The following FBXO4 variants were observed in gnomAD, a reference collection of about 807,000 sequenced individuals.
FBXO4 encodes F-box only protein 4.
Under a neutral mutation model 43.7 loss-of-function variants are expected in FBXO4, and 36 were observed. The observed-to-expected ratio is 0.82, with a 90% CI of 0.63 to 1.09. The LOEUF is 1.09. FBXO4 is among the 50% of genes least tolerant of loss of function. The pLI is 0.00. For synonymous variants in FBXO4, 180 were observed against 165.6 expected, an observed-to-expected ratio of 1.09 and a Z score of -0.67; for missense variants, 435 against 474.1, an observed-to-expected ratio of 0.92 and a Z score of 0.77.
At chr5:41,994,426 C>T in the FBXO4 span, among the ~76,000 whole-genome samples, 1 of 152,234 alleles carries the variant, frequency 6.6e-6, no homozygotes, top group Admixed American at 6.5e-5. Context: ...CTACCTTCTT[C>T]TACTACCCAT....
At chr5:41,939,750 C>T (rs1751953705) in intron 6 of FBXO4, 134 bp downstream of exon 6, 2 of 627,358 alleles carry the variant, frequency 3.2e-6, no homozygotes, top group South Asian at 5.9e-5. Flanking sequence ...TCTATGGAAG[C>T]TATTTGATTG....
intron 6 of FBXO4, among the ~76,000 whole-genome samples, chr5:41,939,834 ATTTTTTTTTTT>A (rs60238550): frequency 1.4e-4 from 11 of 79,322 alleles, no homozygotes; most frequent in Admixed American, 1.2e-3. Context: ...ACAATTGGGG[ATTTTTTTTTTT>A]TTTTTTTTTT....
In FBXO4 at chr5:41,941,374, C is replaced by A; in HGVS notation, c.*93C>A. Reference sequence around the variant, plus strand: ...TGCTCAGTCAGCCCACCTTGTCCTGCCTTTTTGCAGATAGGCTTTCATTTG... The same window carrying A: ...TGCTCAGTCAGCCCACCTTGTCCTGACTTTTTGCAGATAGGCTTTCATTTG... On this transcript the variant is annotated 3_prime_UTR_variant, in exon 7 of 7. Transcript: ENST00000281623. The A allele has an allele frequency of 1.9e-6, 2 of 1,044,560 alleles. No homozygotes were observed. The highest frequency in any genetic ancestry group is 2.9e-6 in the Non-Finnish European group (2 of 679,866). 64.7% of individuals were successfully genotyped at this position (1,044,560 alleles called of 1,614,324 possible).
downstream of FBXO4, among the ~76,000 whole-genome samples, chr5:41,945,685 G>C (rs576454337): frequency 1.3e-5 from 2 of 152,140 alleles, no homozygotes. Context: ...GCCTATAAAT[G>C]GATATGTGGG....
At chr5:42,012,032 A>AACATTTATAT in the FBXO4 span, among the ~76,000 whole-genome samples, 1 of 152,200 alleles carries the variant, frequency 6.6e-6, no homozygotes, top group Non-Finnish European at 1.5e-5. Context: ...GCAAGGTGAG[A>AACATTTATAT]ACATTTATAT....
chr5:42,000,228 T>C, the FBXO4 span, among the ~76,000 whole-genome samples: 1 of 152,208 alleles, frequency 6.6e-6, no homozygotes, highest in African/African-American at 2.4e-5. Context: ...TATTTGTTGA[T>C]GGGCACCTAT....
At chr5:41,967,234 G>T in the FBXO4 span, 4 of 490,902 alleles carry the variant, frequency 8.1e-6, no homozygotes, top group East Asian at 5.2e-5. Context: ...TTCTTCATTA[G>T]CATTGCCACT....
chr5:41,998,093 C>A, the FBXO4 span, among the ~76,000 whole-genome samples: 1 of 152,120 alleles, frequency 6.6e-6, no homozygotes, highest in Non-Finnish European at 1.5e-5. Context: ...AATGCCAAAG[C>A]GCTACATGAG....
the FBXO4 span, among the ~76,000 whole-genome samples, chr5:42,003,234 C>T: frequency 6.6e-6 from 1 of 152,190 alleles, no homozygotes; most frequent in South Asian, 2.1e-4. Context: ...AGATTTAACA[C>T]TTCACTTTGT....
chr5:41,998,866 C>G, the FBXO4 span, among the ~76,000 whole-genome samples: 1 of 152,002 alleles, frequency 6.6e-6, no homozygotes, highest in Non-Finnish European at 1.5e-5. Context: ...AGATAAGACT[C>G]TCACTCAGGT....
At chr5:41,957,211 C>G in the FBXO4 span, among the ~76,000 whole-genome samples, 14 of 151,810 alleles carry the variant, frequency 9.2e-5, no homozygotes, top group African/African-American at 3.1e-4. Flanking sequence ...TCTATTCTAT[C>G]TTCTTGTTCT....
At chr5:41,969,406 C>G in the FBXO4 span, among the ~76,000 whole-genome samples, 1 of 152,194 alleles carries the variant, frequency 6.6e-6, no homozygotes, top group African/African-American at 2.4e-5. Context: ...TTCTATCCCT[C>G]CACCCTGGAG....
the FBXO4 span, among the ~76,000 whole-genome samples, chr5:42,000,647 A>G: frequency 2.0e-5 from 3 of 152,318 alleles, no homozygotes; most frequent in East Asian, 5.8e-4. Flanking sequence ...ATATCCAAAA[A>G]ATCATTGCCA....
the FBXO4 span, among the ~76,000 whole-genome samples, chr5:41,960,552 T>A: frequency 2.6e-5 from 4 of 152,302 alleles, no homozygotes; most frequent in Non-Finnish European, 5.9e-5. Flanking sequence ...TTGGGAGTTT[T>A]ATGATGAAAG....
chr5:41,989,430 C>T, the FBXO4 span, among the ~76,000 whole-genome samples: 5 of 151,952 alleles, frequency 3.3e-5, no homozygotes, highest in Non-Finnish European at 7.4e-5. Flanking sequence ...TAAATATATT[C>T]CGTTACGATC....
At chr5:41,957,533 A>G in the FBXO4 span, among the ~76,000 whole-genome samples, 16 of 150,416 alleles carry the variant, frequency 1.1e-4, no homozygotes, top group Admixed American at 3.3e-4. Context: ...ATTTAGCATA[A>G]TGAATCCATC....
At chr5:41,932,413 C>T (rs560855165) in intron 3 of FBXO4, among the ~76,000 whole-genome samples, 2 of 152,226 alleles carry the variant, frequency 1.3e-5, no homozygotes, top group African/African-American at 4.8e-5. Flanking sequence ...CATGGCCTGG[C>T]ATGGTTGCAG....
At chr5:41,976,444 GTAT>G in the FBXO4 span, among the ~76,000 whole-genome samples, 1 of 152,156 alleles carries the variant, frequency 6.6e-6, no homozygotes, top group Non-Finnish European at 1.5e-5. Context: ...AGATAAGATG[GTAT>G]TATAGGCATT....
the FBXO4 span, among the ~76,000 whole-genome samples, chr5:41,958,194 G>T: frequency 6.7e-6 from 1 of 150,002 alleles, no homozygotes; most frequent in African/African-American, 2.5e-5. Flanking sequence ...GAGTGCAGTG[G>T]CGCAATCTCA....
Sources: allele counts gnomAD v4.1 joint callset (sites outside exome capture counted in the v4.1 genomes callset), GRCh38; gene constraint gnomAD v4.1.1; transcripts MANE v1.5; gene names NCBI Gene and HGNC (gene_info 2026-07-23, HGNC 2026-07-21).